CFDP1: variants seen among roughly 807,000 people sequenced by gnomAD.
The protein encoded by CFDP1 is chromatin remodeling protein CFDP1.
CFDP1 carries 31 observed loss-of-function variants against 40.1 expected under a neutral mutation model. The observed-to-expected ratio is 0.77, with a 90% CI of 0.58 to 1.04. The LOEUF (loss-of-function observed/expected upper bound fraction) is 1.04. Among genes scored for constraint, CFDP1 ranks in the 50% least tolerant of loss-of-function variants. CFDP1 has a pLI of 0.00. For missense variants in CFDP1, 423 were observed against 343.4 expected, an observed-to-expected ratio of 1.23 and a Z score of -1.83; for synonymous variants, 167 against 120.0, an observed-to-expected ratio of 1.39 and a Z score of -2.56.
intron 5 of CFDP1, among the ~76,000 whole-genome samples, chr16:75,311,983 G>A (rs939332919): frequency 2.6e-5 from 4 of 152,106 alleles, no homozygotes; most frequent in African/African-American, 9.7e-5. Flanking sequence ...GGAACTCTCT[G>A]AGAAACAGGA....
At position 75,433,420 on chromosome 16, in the gene CFDP1, G is replaced by T; in HGVS notation, c.-68C>A. The T allele has an allele frequency of 2.7e-6, 4 of 1,476,406 alleles. No individual in the cohort carries two copies. Among genetic ancestry groups the T allele is most frequent in the South Asian group, 1.2e-5 (1 of 83,412 alleles). 91.5% of individuals were successfully genotyped at this position (1,476,406 alleles called of 1,614,324 possible). The stretch of plus-strand genomic sequence containing the variant: ...AGCCGCCTCCAACGGCAAAGCTCTA[G>T]GGAGAGACCATAGAGCCCCGGCGGC... On this transcript the variant is annotated 5_prime_UTR_variant, in exon 1 of 7. Coordinates refer to ENST00000283882, the MANE Select transcript of CFDP1 (RefSeq NM_006324.3).
Position 75,311,294 on chromosome 16 carries a change from C to T in CFDP1, c.651-6112G>A, listed in dbSNP as rs576472189. Among the ~76,000 whole-genome samples, 7 of 152,184 alleles carry T rather than the reference C, an allele frequency of 4.6e-5. No homozygotes were observed. The South Asian group carries it at 1.2e-3, about 27-fold the overall frequency. ...AGCTGGGACTATAGACATATGTCAC[C>T]AAACCCAGATAATTTAAAAAACGTC... On this transcript the variant is annotated intron_variant, in intron 5 of 6. Transcript: ENST00000283882.
chr16:75,368,172 G>T (rs2078729039), intron 5 of CFDP1, among the ~76,000 whole-genome samples: 1 of 152,088 alleles, frequency 6.6e-6, no homozygotes, highest in African/African-American at 2.4e-5. Flanking sequence ...AAGGAAAGTA[G>T]CTACAACAAA....
chr16:75,315,851 A>T (rs1317386285), intron 5 of CFDP1, among the ~76,000 whole-genome samples: 1 of 152,158 alleles, frequency 6.6e-6, no homozygotes, highest in Non-Finnish European at 1.5e-5. Flanking sequence ...TCCAGGTTCA[A>T]ATTTCCTTCA....
At chr16:75,358,769 T>C (rs1456160014) in intron 5 of CFDP1, among the ~76,000 whole-genome samples, 2 of 152,178 alleles carry the variant, frequency 1.3e-5, no homozygotes, top group African/African-American at 4.8e-5. Context: ...CTGCTGGCAG[T>C]GATAAATTCT....
chr16:75,371,349 A>AAT (rs34823909), intron 5 of CFDP1, among the ~76,000 whole-genome samples: 1 of 148,620 alleles, frequency 6.7e-6, no homozygotes, highest in South Asian at 2.1e-4. Flanking sequence ...TTTCATAATT[A>AAT]TATATCTCTC....
chr16:75,395,026 G>T (rs1309848256), intron 5 of CFDP1, 64 bp downstream of exon 5: 1 of 1,595,730 alleles, frequency 6.3e-7, no homozygotes, highest in Non-Finnish European at 8.6e-7. Context: ...GCGAAAGTAG[G>T]TATTTGCACT....
intron 5 of CFDP1, among the ~76,000 whole-genome samples, chr16:75,334,460 T>G (rs1463494874): frequency 6.7e-6 from 1 of 149,944 alleles, no homozygotes; most frequent in South Asian, 2.2e-4. Flanking sequence ...AATAGGCTAC[T>G]AGATGGCCAG....
intron 5 of CFDP1, among the ~76,000 whole-genome samples, chr16:75,328,889 C>G (rs35952313): frequency 0.5 from 73,572 of 146,456 alleles, 19,743 homozygotes; most frequent in Admixed American, 0.66. Flanking sequence ...TCTTGTTGCC[C>G]AGGCTGGAAT....
chr16:75,365,932 T>A (rs1206249657), intron 5 of CFDP1, among the ~76,000 whole-genome samples: 1 of 152,224 alleles, frequency 6.6e-6, no homozygotes, highest in African/African-American at 2.4e-5. Flanking sequence ...CATGCACTGC[T>A]GGTAGGAATG....
At chr16:75,424,368 C>CGGCA (rs1567683307) in intron 1 of CFDP1, among the ~76,000 whole-genome samples, 1 of 152,114 alleles carries the variant, frequency 6.6e-6, no homozygotes, top group East Asian at 1.9e-4. Context: ...AGGGTTTAAA[C>CGGCA]GGCAGGCAGA....
intron 5 of CFDP1, among the ~76,000 whole-genome samples, chr16:75,387,135 T>C (rs866997781): frequency 2.6e-5 from 3 of 115,962 alleles, no homozygotes; most frequent in African/African-American, 9.7e-5. Context: ...GGTATTCTTT[T>C]CTTTCTTTTT....
At chr16:75,385,365 C>T (rs570698227) in intron 5 of CFDP1, among the ~76,000 whole-genome samples, 1 of 152,188 alleles carries the variant, frequency 6.6e-6, no homozygotes, top group South Asian at 2.1e-4. Context: ...CAGAAAGGAA[C>T]TTTCACTGCC....
At chr16:75,412,884 T>C in intron 2 of CFDP1, 130 bp from the exon 3 acceptor site, 1 of 668,310 alleles carries the variant, frequency 1.5e-6, no homozygotes, top group Non-Finnish European at 2.6e-6. Flanking sequence ...GTTAATATAC[T>C]GAAGTGAGTA....
At chr16:75,384,091 A>G (rs1332362877) in intron 5 of CFDP1, among the ~76,000 whole-genome samples, 1 of 152,102 alleles carries the variant, frequency 6.6e-6, no homozygotes, top group Non-Finnish European at 1.5e-5. Context: ...GGCTGGGCGC[A>G]GTGGCTCACA....
rs932865318 is a variant in CFDP1 at position 75,338,934 on chromosome 16, C to T, written c.651-33752G>A. On this transcript the variant is annotated intron_variant, in intron 5 of 6. Coordinates refer to ENST00000283882, the MANE Select transcript of CFDP1 (RefSeq NM_006324.3). ...GATATTTTATAGGCTGGCCAGTTTT[C>T]TCTCTCTGGACGCTTCCATTATATG... is the stretch of plus-strand genomic sequence containing the variant. Among the ~76,000 whole-genome samples, 10 of 152,250 alleles carry T rather than the reference C, an allele frequency of 6.6e-5. No homozygotes were observed. In the East Asian group the frequency reaches 1.9e-3, roughly 29 times the overall value.
chr16:75,381,933 A>T (rs4146810), intron 5 of CFDP1, among the ~76,000 whole-genome samples: 2 of 151,770 alleles, frequency 1.3e-5, no homozygotes, highest in Admixed American at 1.3e-4. Context: ...CTAAGCAAAT[A>T]TAAGAAAGGT....
intron 5 of CFDP1, among the ~76,000 whole-genome samples, chr16:75,392,626 T>A (rs927722815): frequency 1.3e-5 from 2 of 152,162 alleles, no homozygotes; most frequent in African/African-American, 4.8e-5. Context: ...GCCTCCTAGG[T>A]AGCTGGGATT....
At position 75,349,696 on chromosome 16, in the gene CFDP1, T is replaced by TATATATAC. The variant is rs1209804675; in HGVS notation, c.651-44515_651-44514insGTATATAT. Among the ~76,000 whole-genome samples, 41 of 47,946 alleles carry TATATATAC rather than the reference T, an allele frequency of 8.6e-4. 4 individuals are homozygous for TATATATAC. Among genetic ancestry groups the TATATATAC allele is most frequent in the African/African-American group, 4.4e-3 (37 of 8,352 alleles). 31.5% of individuals were successfully genotyped at this position (47,946 alleles called of 152,430 possible). On this transcript the variant is annotated intron_variant, in intron 5 of 6. Transcript: ENST00000283882. ...AAAAAAAAAAAAAAAAAAAAATATA[T>TATATATAC]ATACATACATATATACGGTTGATTT...
Sources: gnomAD v4.1 joint callset for allele counts (sites outside exome capture counted in the v4.1 genomes callset) on GRCh38, gnomAD v4.1.1 for gene constraint, MANE v1.5 for transcripts, NCBI Gene and HGNC (gene_info 2026-07-23, HGNC 2026-07-21) for gene names.